PCDHA4: variants seen among roughly 807,000 people sequenced by gnomAD.
The protein encoded by PCDHA4 is protocadherin alpha-4.
In PCDHA4, 49 loss-of-function variants were observed where a neutral mutation model predicts 61.4. The observed-to-expected ratio is 0.80, with a 90% CI of 0.63 to 1.01. PCDHA4 has a LOEUF of 1.01. Ranked by LOEUF, PCDHA4 falls within the 50% of genes least tolerant of loss-of-function variation. The pLI is 0.00. For synonymous variants in PCDHA4, 590 were observed against 550.3 expected (o/e 1.07, Z -1.01); for missense variants, 1,254 against 1,235.8 (o/e 1.01, Z -0.22).
rs1554125244 is a variant in PCDHA4, at chr5:140,809,480, C to T, written c.2293C>T (p.Pro765Ser). The part of the protein sequence containing the change: ...RPRVCSGEGP[P>S]KTDLMAFSPS... ...GAGGGTGTGCTCTGGTGAGGGCCCA[C>T]CCAAGACCGACCTCATGGCCTTCAG... The change falls in exon 1 of 4, where the codon CCC (proline) becomes TCC (serine). Residue 765 changes from proline (P) to serine (S), a missense_variant. By Grantham distance (74) the Pro-to-Ser change is moderately conservative. Transcript: ENST00000530339. The T allele has an allele frequency of 1.2e-6, 2 of 1,614,122 alleles. No homozygotes were observed. Among genetic ancestry groups the T allele is most frequent in the Admixed American group, 1.7e-5 (1 of 60,014 alleles).
chr5:140,848,218 A>T (rs1404023746), intron 1 of PCDHA4: 1 of 371,682 alleles, frequency 2.7e-6, no homozygotes, highest in Non-Finnish European at 4.8e-6. Flanking sequence ...TTAAGAAAAA[A>T]TTAAGAAAAT....
At position 140,828,523 on chromosome 5, in the gene PCDHA4, A is replaced by G. The variant is rs2150156378; in HGVS notation, c.2385+18951A>G. 443 of 1,614,170 alleles carry G rather than the reference A, an allele frequency of 2.7e-4. 1 individual carries two copies. In the African/African-American group the frequency reaches 5.2e-3, roughly 19 times the overall value. ...AGGAACAAAGAGTGCTGATTTACGA[A>G]TCTAGGCTGCCAGATTCTGTGTTTC... On this transcript the variant is annotated intron_variant, in intron 1 of 3. Transcript: ENST00000530339.
intron 1 of PCDHA4, chr5:140,822,029 T>C (rs1258715639): frequency 2.5e-6 from 4 of 1,614,166 alleles, no homozygotes; most frequent in Non-Finnish European, 3.4e-6. Flanking sequence ...ATTTTGTTTG[T>C]GAATTCTCGG....
intron 1 of PCDHA4, among the ~76,000 whole-genome samples, chr5:140,898,461 G>T (rs1393934497): frequency 4.6e-5 from 7 of 152,102 alleles, no homozygotes; most frequent in Non-Finnish European, 8.8e-5. Flanking sequence ...TTTCCCCATT[G>T]CTTGTTTTTC....
Position 140,877,206 on chromosome 5 carries a change from C to A in PCDHA4, c.2385+67634C>A, listed in dbSNP as rs782807049. 10 of 1,613,650 alleles carry A rather than the reference C, an allele frequency of 6.2e-6. No homozygotes were observed. The highest frequency in any genetic ancestry group is 8.5e-6 in the Non-Finnish European group (10 of 1,179,798). On this transcript the variant is annotated intron_variant, in intron 1 of 3. Transcript: ENST00000530339. ...CTGGCAGCGCAGGAGGCGCAGTTAG[C>A]GAGTTGGTACCGCGGTCGGTGGGTG...
intron 1 of PCDHA4, among the ~76,000 whole-genome samples, chr5:140,954,317 G>A (rs571385484): frequency 2.6e-5 from 4 of 152,292 alleles, no homozygotes; most frequent in East Asian, 3.9e-4. Context: ...GGATTGCTGC[G>A]TCAAATGGTA....
intron 1 of PCDHA4, chr5:140,829,824 G>A: frequency 6.2e-7 from 1 of 1,613,914 alleles, no homozygotes; most frequent in East Asian, 2.2e-5. Context: ...GGTGCAGTGA[G>A]CGAGCTGGTG....
At chr5:140,880,737 G>T (rs139077188) in intron 1 of PCDHA4, among the ~76,000 whole-genome samples, 1 of 152,304 alleles carries the variant, frequency 6.6e-6, no homozygotes, top group Non-Finnish European at 1.5e-5. Flanking sequence ...TAGAGAAAAT[G>T]GATTGTCAGT....
intron 1 of PCDHA4, among the ~76,000 whole-genome samples, chr5:140,895,474 C>T (rs947771616): frequency 2.1e-4 from 32 of 152,154 alleles, no homozygotes; most frequent in African/African-American, 7.0e-4. Flanking sequence ...TTATCCTCTT[C>T]GGAGAAATAC....
chr5:140,861,928 T>G (rs1225434437), intron 1 of PCDHA4: 1 of 154,028 alleles, frequency 6.5e-6, no homozygotes, highest in Non-Finnish European at 1.4e-5. Flanking sequence ...ATGTAAATGA[T>G]GATGCCCAGT....
intron 1 of PCDHA4, among the ~76,000 whole-genome samples, chr5:140,838,935 TAATAAAATAA>T (rs1186571610): frequency 2.0e-5 from 3 of 151,738 alleles, no homozygotes; most frequent in African/African-American, 7.3e-5. Flanking sequence ...TAAAATGAAA[TAATAAAATAA>T]AATAAAATAA....
At position 140,856,129 on chromosome 5, in the gene PCDHA4, C is replaced by A. The variant is rs149039484; in HGVS notation, c.2385+46557C>A. Reference sequence around the variant, plus strand: ...TCCTCGCAGCCTGGGAGGTGGGGAGCGGCCAGCTCCACTACTCAGTCTACG... The same window carrying A: ...TCCTCGCAGCCTGGGAGGTGGGGAGAGGCCAGCTCCACTACTCAGTCTACG... On this transcript the variant is annotated intron_variant, in intron 1 of 3. Coordinates refer to ENST00000530339, the MANE Select transcript of PCDHA4 (RefSeq NM_018907.4). 3,312 of 1,598,096 alleles carry A rather than the reference C, an allele frequency of 2.1e-3. 297 individuals are homozygous for A. Among genetic ancestry groups the A allele is most frequent in the Non-Finnish European group, 2.6e-3 (3,056 of 1,167,792 alleles).
intron 3 of PCDHA4, among the ~76,000 whole-genome samples, chr5:140,982,795 A>G (rs1011948194): frequency 3.3e-5 from 5 of 151,516 alleles, no homozygotes; most frequent in African/African-American, 1.2e-4. Context: ...GCATGTGTGC[A>G]TGTGTGTGTG....
intron 1 of PCDHA4, among the ~76,000 whole-genome samples, chr5:140,943,588 T>C (rs1179171934): frequency 1.3e-5 from 2 of 152,176 alleles, no homozygotes; most frequent in Non-Finnish European, 2.9e-5. Context: ...TGAGTGGGGC[T>C]GAATTCTAAA....
Position 140,809,392 on chromosome 5 carries a change from C to T in PCDHA4, c.2205C>T (p.Gly735=), listed in dbSNP as rs782047510. The T allele has an allele frequency of 2.5e-6, 4 of 1,614,100 alleles. No homozygotes were observed. The South Asian group carries it at 4.4e-5, about 18-fold the overall frequency. ...CCACCGAGGGCGCGTGCGCTCCGGG[C>T]AAGCCCACGCTGGTGTGCTCCAGTG... The part of the protein sequence containing the change: ...ALPTEGACAP[G]KPTLVCSSAV... The change falls in exon 1 of 4, where the codon GGC becomes GGT. Residue 735 remains glycine (G), a synonymous_variant. Transcript: ENST00000530339.
At chr5:140,925,994 G>C (rs1041576118) in intron 1 of PCDHA4, among the ~76,000 whole-genome samples, 1 of 152,138 alleles carries the variant, frequency 6.6e-6, no homozygotes, top group Non-Finnish European at 1.5e-5. Context: ...CGCTGGCTCC[G>C]CTGCCTCGAA....
At chr5:140,823,371 C>T (rs202138902) in intron 1 of PCDHA4, 20 of 1,612,612 alleles carry the variant, frequency 1.2e-5, no homozygotes, top group Middle Eastern at 1.8e-4. Flanking sequence ...TGCTGCAGTT[C>T]CAGGTGAGCG....
intron 1 of PCDHA4, among the ~76,000 whole-genome samples, chr5:140,827,368 A>C (rs1554130769): frequency 6.6e-6 from 1 of 152,204 alleles, no homozygotes; most frequent in Non-Finnish European, 1.5e-5. Context: ...TTAAGCAAGA[A>C]TCCTAATATA....
chr5:140,810,824 G>A (rs914329970), intron 1 of PCDHA4: 4 of 151,756 alleles, frequency 2.6e-5, no homozygotes, highest in African/African-American at 9.7e-5. Flanking sequence ...GTCTTTTGGT[G>A]AATAGAAAGT....
Sources: gnomAD v4.1 joint callset for allele counts (sites outside exome capture counted in the v4.1 genomes callset) on GRCh38, gnomAD v4.1.1 for gene constraint, MANE v1.5 for transcripts, NCBI Gene and HGNC (gene_info 2026-07-23, HGNC 2026-07-21) for gene names.